PTPRK: variants seen among roughly 807,000 people sequenced by gnomAD.
PTPRK encodes protein tyrosine phosphatase receptor type K.
In PTPRK, 75 loss-of-function variants were observed where a neutral mutation model predicts 178.0. The ratio of observed to expected loss-of-function variants is 0.42; its 90% confidence interval spans 0.35 to 0.51. PTPRK has a LOEUF of 0.51. Ranked by LOEUF, PTPRK falls within the 20% of genes least tolerant of loss-of-function variation. PTPRK has a pLI of 0.02. For synonymous variants in PTPRK, 637 were observed against 620.6 expected (o/e 1.03, Z -0.39); for missense variants, 1,441 against 1,797.8 (o/e 0.80, Z 3.59).
Position 128,276,967 on chromosome 6 carries a change from T to C in PTPRK, c.496-34365A>G, listed in dbSNP as rs373209668. On this transcript the variant is annotated intron_variant, in intron 3 of 29. Coordinates refer to ENST00000368226, the MANE Select transcript of PTPRK (RefSeq NM_002844.4). ...TTTGATCTTTAAAAAGACTTGACCA[T>C]GTCCCAAAGGGCCTCCCCACTTTGT... Among the ~76,000 whole-genome samples, 3 of 152,120 alleles carry C rather than the reference T, an allele frequency of 2.0e-5. No homozygotes were observed. The East Asian group carries it at 5.8e-4, about 29-fold the overall frequency.
intron 27 of PTPRK, among the ~76,000 whole-genome samples, chr6:127,974,440 T>C (rs1189582129): frequency 6.6e-6 from 1 of 152,192 alleles, no homozygotes; most frequent in Non-Finnish European, 1.5e-5. Context: ...CCCTTTGCCT[T>C]GAATACTTCT....
chr6:128,071,263 C>G (rs1456954993), intron 11 of PTPRK, among the ~76,000 whole-genome samples: 1 of 151,946 alleles, frequency 6.6e-6, no homozygotes, highest in Non-Finnish European at 1.5e-5. Context: ...TGTATACTTT[C>G]TTTTCAACTC....
chr6:128,016,065 A>G (rs1312283718), intron 13 of PTPRK, among the ~76,000 whole-genome samples: 1 of 151,784 alleles, frequency 6.6e-6, no homozygotes, highest in Non-Finnish European at 1.5e-5. Context: ...TGAAATTTGT[A>G]TTACAAATAT....
At chr6:128,092,396 T>C (rs751257530) in intron 7 of PTPRK, among the ~76,000 whole-genome samples, 2 of 152,112 alleles carry the variant, frequency 1.3e-5, no homozygotes, top group Non-Finnish European at 2.9e-5. Context: ...AACTTGATTG[T>C]TTTGAGCTGC....
chr6:128,029,638 A>AAAT (rs55955361), intron 13 of PTPRK, among the ~76,000 whole-genome samples: 15,473 of 136,826 alleles, frequency 0.11, 906 homozygotes, highest in Middle Eastern at 0.16. Flanking sequence ...TTCCATCTCA[A>AAAT]AATAATAATA....
At chr6:128,329,382 A>AAT (rs1829981550) in intron 2 of PTPRK, among the ~76,000 whole-genome samples, 1 of 145,616 alleles carries the variant, frequency 6.9e-6, no homozygotes, top group African/African-American at 2.5e-5. Flanking sequence ...TATATAGATA[A>AAT]ACACACACAC....
At chr6:128,462,951 GC>G (rs1849271512) in intron 1 of PTPRK, among the ~76,000 whole-genome samples, 1 of 152,002 alleles carries the variant, frequency 6.6e-6, no homozygotes, top group African/African-American at 2.4e-5. Flanking sequence ...GAGCCACCGT[GC>G]CCAGTCAAAA....
intron 1 of PTPRK, among the ~76,000 whole-genome samples, chr6:128,420,873 G>A (rs982346846): frequency 1.3e-5 from 2 of 152,094 alleles, no homozygotes; most frequent in African/African-American, 4.8e-5. Context: ...GAAATTAAGT[G>A]GTTATTCTCA....
chr6:128,422,496 C>T (rs1032098673), intron 1 of PTPRK, among the ~76,000 whole-genome samples: 1 of 152,090 alleles, frequency 6.6e-6, no homozygotes, highest in African/African-American at 2.4e-5. Context: ...TTATTATTCA[C>T]TTCATCTTTG....
intron 7 of PTPRK, among the ~76,000 whole-genome samples, chr6:128,140,321 T>TA (rs1024379720): frequency 1.3e-4 from 20 of 151,982 alleles, no homozygotes; most frequent in East Asian, 7.7e-4. Context: ...CTTTGAAAAT[T>TA]AAAAAAATAT....
intron 3 of PTPRK, chr6:128,321,624 A>T: frequency 1.8e-6 from 1 of 569,466 alleles, no homozygotes; most frequent in Non-Finnish European, 3.1e-6. Context: ...TGTTACTTTC[A>T]AAAAGTCAGT....
chr6:128,053,750 G>T (rs1415641091), intron 13 of PTPRK, among the ~76,000 whole-genome samples: 1 of 152,162 alleles, frequency 6.6e-6, no homozygotes, highest in Admixed American at 6.5e-5. Flanking sequence ...TACTCTGTGA[G>T]ACTGCCTCCT....
intron 1 of PTPRK, among the ~76,000 whole-genome samples, chr6:128,503,686 G>A (rs976339729): frequency 4.7e-4 from 72 of 152,190 alleles, no homozygotes; most frequent in Non-Finnish European, 6.0e-4. Flanking sequence ...TATGTATTTT[G>A]TTTTAGAGAC....
At chr6:128,514,370 A>ATGTGTGTG (rs146438569) in intron 1 of PTPRK, among the ~76,000 whole-genome samples, 9,351 of 148,266 alleles carry the variant, frequency 0.063, 315 homozygotes, top group Non-Finnish European at 0.085. Context: ...CATTGTTAAG[A>ATGTGTGTG]TGTGTGTGTG....
intron 13 of PTPRK, among the ~76,000 whole-genome samples, chr6:128,031,352 C>T (rs2114798261): frequency 6.6e-6 from 1 of 152,298 alleles, no homozygotes; most frequent in South Asian, 2.1e-4. Flanking sequence ...GATATACTTC[C>T]CATCCTCTGG....
intron 2 of PTPRK, among the ~76,000 whole-genome samples, chr6:128,369,728 T>G (rs1055639497): frequency 1.3e-5 from 2 of 152,128 alleles, no homozygotes; most frequent in African/African-American, 4.8e-5. Context: ...TCTCTCATAT[T>G]TTAGTAAATG....
chr6:128,250,440 A>G (rs574556274), intron 3 of PTPRK, among the ~76,000 whole-genome samples: 131 of 152,348 alleles, frequency 8.6e-4, no homozygotes, highest in African/African-American at 3.0e-3. Context: ...ATTGAACCAC[A>G]TGAATCCTGT....
chr6:128,470,259 C>CATATATATATATATATATAT lies in PTPRK; in HGVS notation c.100+49999_100+50000insATATATATATATATATATAT, dbSNP rs34303350. Among the ~76,000 whole-genome samples, 274 of 147,814 alleles carry CATATATATATATATATATAT rather than the reference C, an allele frequency of 1.9e-3. 1 individual carries two copies. The highest frequency in any genetic ancestry group is 6.6e-3 in the African/African-American group (264 of 40,032). On this transcript the variant is annotated intron_variant, in intron 1 of 29. Transcript: ENST00000368226. ...TTATTCATCCTTGGGTCTCAGTTTT[C>CATATATATATATATATATAT]ATATATATATATATATATGAGTTTA...
chr6:128,075,471 G>C (rs746584484), intron 11 of PTPRK, among the ~76,000 whole-genome samples: 2 of 151,884 alleles, frequency 1.3e-5, no homozygotes, highest in African/African-American at 2.4e-5. Context: ...ATGCATCATT[G>C]TGACCTTTGG....
Sources: allele counts gnomAD v4.1 joint callset (sites outside exome capture counted in the v4.1 genomes callset), GRCh38; gene constraint gnomAD v4.1.1; transcripts MANE v1.5; gene names NCBI Gene and HGNC (gene_info 2026-07-23, HGNC 2026-07-21).